LRFN5: variants seen among roughly 807,000 people sequenced by gnomAD.
LRFN5 encodes the protein leucine rich repeat and fibronectin type III domain containing 5.
Under a neutral mutation model 45.6 loss-of-function variants are expected in LRFN5, and 24 were observed. The ratio of observed to expected loss-of-function variants is 0.53; its 90% CI spans 0.38 to 0.74. The LOEUF (loss-of-function observed/expected upper bound fraction) is 0.74. Among genes scored for constraint, LRFN5 ranks in the 30% least tolerant of loss-of-function variants. LRFN5 has a pLI of 0.00. For synonymous variants in LRFN5, 340 were observed against 313.8 expected (o/e 1.08, Z -0.88); for missense variants, 776 against 861.5 (o/e 0.90, Z 1.24).
chr14:41,622,370 A>G (rs1216426154), intron 1 of LRFN5, among the ~76,000 whole-genome samples: 1 of 152,088 alleles, frequency 6.6e-6, no homozygotes, highest in East Asian at 1.9e-4. Context: ...GAATTTTACA[A>G]ATAAAATTTT....
At chr14:41,836,318 A>G (rs1888660715) in intron 2 of LRFN5, among the ~76,000 whole-genome samples, 1 of 152,240 alleles carries the variant, frequency 6.6e-6, no homozygotes, top group African/African-American at 2.4e-5. Flanking sequence ...TACTTTAACA[A>G]TCTTAGCAAA....
At chr14:41,753,252 C>G (rs1193790615) in intron 1 of LRFN5, among the ~76,000 whole-genome samples, 1 of 151,264 alleles carries the variant, frequency 6.6e-6, no homozygotes, top group African/African-American at 2.4e-5. Context: ...GATGCGGGCT[C>G]TTTTTTGGTT....
chr14:41,821,514 T>A (rs899398739), intron 2 of LRFN5, among the ~76,000 whole-genome samples: 8 of 152,016 alleles, frequency 5.3e-5, no homozygotes, highest in Non-Finnish European at 1.5e-5. Flanking sequence ...TTTGATGTGC[T>A]GTTGGATTTG....
intron 2 of LRFN5, among the ~76,000 whole-genome samples, chr14:41,860,163 A>G (rs901153380): frequency 2.6e-5 from 4 of 152,218 alleles, no homozygotes; most frequent in Non-Finnish European, 5.9e-5. Context: ...GAGAACAAAC[A>G]AAATAAAACA....
intron 2 of LRFN5, among the ~76,000 whole-genome samples, chr14:41,842,958 TA>T (rs1888913817): frequency 6.6e-6 from 1 of 152,138 alleles, no homozygotes; most frequent in Admixed American, 6.6e-5. Context: ...AAACATATTT[TA>T]TATTTAGTTA....
At chr14:41,626,049 T>C (rs1888319555) in intron 1 of LRFN5, among the ~76,000 whole-genome samples, 1 of 152,006 alleles carries the variant, frequency 6.6e-6, no homozygotes, top group South Asian at 2.1e-4. Context: ...AGGCAAAAAG[T>C]AGATGGGAGT....
rs1890592233 is a variant in LRFN5, at chr14:41,886,893, A to C, written c.268A>C (p.Ile90Leu). ...TCTATCCAGGAATACAATAAGTTTTATTACACCTCATGCTTTCGCTGACCT... is the reference window on the plus strand; with the variant it reads ...TCTATCCAGGAATACAATAAGTTTTCTTACACCTCATGCTTTCGCTGACCT... ...LTLSRNTISF[I>L]TPHAFADLRN... The change falls in exon 3 of 6, where the codon ATT (isoleucine) becomes CTT (leucine). Residue 90 changes from isoleucine (I) to leucine (L), a missense_variant. Ile to Leu is a conservative substitution (Grantham distance 5). Coordinates refer to ENST00000298119, the MANE Select transcript of LRFN5 (RefSeq NM_152447.5). 6.2e-7 allele frequency: 1 copy of C among 1,614,090 alleles called. No individual in the cohort carries two copies. Among genetic ancestry groups the C allele is most frequent in the Non-Finnish European group, 8.5e-7 (1 of 1,180,040 alleles).
At position 41,897,735 on chromosome 14, in the gene LRFN5, C is replaced by T. The variant is rs546176005; in HGVS notation, c.2099-1182C>T. Among the ~76,000 whole-genome samples the T allele has an allele frequency of 1.4e-4, 21 of 152,096 alleles. No individual in the cohort carries two copies. The South Asian group carries it at 4.1e-3, about 30-fold the overall frequency. ...TTTTAATTATAACCATCTCTACAAC[C>T]TAATTTCATCCATTTCAAACTTGGT... is the stretch of plus-strand genomic sequence containing the variant. On this transcript the variant is annotated intron_variant, in intron 4 of 5. Transcript: ENST00000298119.
chr14:41,670,270 T>G (rs1881129782), intron 1 of LRFN5, among the ~76,000 whole-genome samples: 2 of 49,678 alleles, frequency 4.0e-5, no homozygotes, highest in Non-Finnish European at 6.7e-5. Flanking sequence ...TATATATATA[T>G]ATATATATAT....
chr14:41,888,324 C>T (rs542606438), intron 3 of LRFN5, among the ~76,000 whole-genome samples: 38 of 152,228 alleles, frequency 2.5e-4, no homozygotes, highest in Non-Finnish European at 4.3e-4. Flanking sequence ...CTTACACACA[C>T]ATGAGTGTTC....
intron 2 of LRFN5, among the ~76,000 whole-genome samples, chr14:41,844,465 T>C (rs1282794534): frequency 1.3e-5 from 2 of 151,926 alleles, no homozygotes; most frequent in African/African-American, 4.8e-5. Context: ...TATATTTATA[T>C]GTATAATTTA....
chr14:41,839,803 C>T (rs1207628904), intron 2 of LRFN5, among the ~76,000 whole-genome samples: 2 of 152,096 alleles, frequency 1.3e-5, no homozygotes, highest in Non-Finnish European at 2.9e-5. Context: ...GATTGAACTT[C>T]CCTGGCTTTA....
chr14:41,829,727 T>C (rs988983091), intron 2 of LRFN5, among the ~76,000 whole-genome samples: 2 of 151,872 alleles, frequency 1.3e-5, no homozygotes, highest in South Asian at 4.1e-4. Context: ...TTAATTAAAC[T>C]ATTTGCTTTT....
intron 1 of LRFN5, among the ~76,000 whole-genome samples, chr14:41,754,634 T>C (rs1594677303): frequency 6.6e-6 from 1 of 152,118 alleles, no homozygotes; most frequent in African/African-American, 2.4e-5. Context: ...TTTTTTATTG[T>C]GTCTATTTGA....
chr14:41,883,393 T>C (rs1890455561), intron 2 of LRFN5, among the ~76,000 whole-genome samples: 2 of 152,286 alleles, frequency 1.3e-5, no homozygotes, highest in South Asian at 4.1e-4. Context: ...AGATGTATCA[T>C]TTCTGTTGTT....
At chr14:41,803,019 C>G (rs1054584167) in intron 2 of LRFN5, among the ~76,000 whole-genome samples, 1 of 152,004 alleles carries the variant, frequency 6.6e-6, no homozygotes, top group African/African-American at 2.4e-5. Flanking sequence ...TGCAAGTTGC[C>G]TTAGTGTTGG....
intron 1 of LRFN5, among the ~76,000 whole-genome samples, chr14:41,642,895 ATAGT>A (rs1879645490): frequency 6.6e-6 from 1 of 152,316 alleles, no homozygotes; most frequent in Admixed American, 6.5e-5. Flanking sequence ...TTAGAGACAC[ATAGT>A]TAGCTGGTTA....
intron 2 of LRFN5, among the ~76,000 whole-genome samples, chr14:41,781,138 T>A (rs1886467050): frequency 6.6e-6 from 1 of 152,162 alleles, no homozygotes. Context: ...TCTTTCTTTA[T>A]ACCAATTGAA....
chr14:41,734,025 TTTTC>T (rs1414096252), intron 1 of LRFN5, among the ~76,000 whole-genome samples: 5 of 114,038 alleles, frequency 4.4e-5, no homozygotes, highest in African/African-American at 2.1e-4. Flanking sequence ...TTTTCTTTTC[TTTTC>T]TTTTTTTTTT....
Sources: gnomAD v4.1 joint callset for allele counts (sites outside exome capture counted in the v4.1 genomes callset) on GRCh38, gnomAD v4.1.1 for gene constraint, MANE v1.5 for transcripts, NCBI Gene and HGNC (gene_info 2026-07-23, HGNC 2026-07-21) for gene names.